The following PRDM16 variants were observed in gnomAD, a reference collection of about 807,000 sequenced individuals.
PRDM16 encodes the protein PR/SET domain 16, also known as histone-lysine N-methyltransferase PRDM16.
A neutral mutation model predicts 110.6 loss-of-function variants in PRDM16; 23 were observed. The observed-to-expected ratio is 0.21, with a 90% CI of 0.15 to 0.29. The LOEUF (loss-of-function observed/expected upper bound fraction) is 0.29, where lower values mean the gene tolerates loss of function less well. Ranked by LOEUF, PRDM16 falls within the 10% of genes least tolerant of loss-of-function variation. PRDM16 has a pLI of 1.00. For missense variants in PRDM16, 1,615 were observed against 1,794.3 expected, an observed-to-expected ratio of 0.90 and a Z score of 1.81; for synonymous variants, 799 against 781.8, an observed-to-expected ratio of 1.02 and a Z score of -0.37.
intron 1 of PRDM16, among the ~76,000 whole-genome samples, chr1:3,184,615 G>T (rs750678367): frequency 6.6e-6 from 1 of 152,182 alleles, no homozygotes; most frequent in African/African-American, 2.4e-5. Flanking sequence ...TAAAGGGGGC[G>T]ATTCAGTGGC....
At chr1:3,159,578 C>G (rs1161922680) in intron 1 of PRDM16, among the ~76,000 whole-genome samples, 2 of 152,228 alleles carry the variant, frequency 1.3e-5, no homozygotes, top group African/African-American at 4.8e-5. Context: ...GACCTCATCT[C>G]CACATGCAGT....
At position 3,178,088 on chromosome 1, in the gene PRDM16, G is replaced by GC. The variant is rs532567693; in HGVS notation, c.38-8034dup. Among the ~76,000 whole-genome samples the GC allele has an allele frequency of 2.6e-5, 4 of 152,316 alleles. No homozygotes were observed. In the South Asian group the frequency reaches 8.3e-4, roughly 32 times the overall value. The stretch of plus-strand genomic sequence containing the variant: ...ATGGCTGGGTTTTACAAGAATGATG[G>GC]CCCGGTGTTTGGCGAGCTGAGGAGT... On this transcript the variant is annotated intron_variant, in intron 1 of 16. Coordinates refer to ENST00000270722, the MANE Select transcript of PRDM16 (RefSeq NM_022114.4).
chr1:3,286,742 C>T (rs527928611), intron 3 of PRDM16, among the ~76,000 whole-genome samples: 21 of 152,284 alleles, frequency 1.4e-4, no homozygotes, highest in Non-Finnish European at 2.4e-4. Context: ...ACGTGCTGGG[C>T]GCTTAACTCA....
chr1:3,396,146 C>G (rs887328053), intron 4 of PRDM16, among the ~76,000 whole-genome samples: 2 of 152,106 alleles, frequency 1.3e-5, no homozygotes, highest in African/African-American at 4.8e-5. Flanking sequence ...CAAAATGGAA[C>G]AAAAGAAACT....
At chr1:3,211,167 T>A (rs952076817) in intron 2 of PRDM16, among the ~76,000 whole-genome samples, 10 of 152,240 alleles carry the variant, frequency 6.6e-5, no homozygotes, top group African/African-American at 2.4e-4. Context: ...TCTGCTTGTC[T>A]GTCTCTGCAC....
intron 1 of PRDM16, among the ~76,000 whole-genome samples, chr1:3,138,330 C>T (rs1454876669): frequency 6.6e-6 from 1 of 152,192 alleles, no homozygotes; most frequent in African/African-American, 2.4e-5. Context: ...GAGGCAGCAC[C>T]CATCGAGTAA....
chr1:3,106,871 C>T (rs1025904185), intron 1 of PRDM16, among the ~76,000 whole-genome samples: 2 of 152,182 alleles, frequency 1.3e-5, no homozygotes, highest in African/African-American at 4.8e-5. Context: ...ATAGTGGGCA[C>T]CTGTTCTCTA....
At chr1:3,212,509 C>T (rs1638910506) in intron 2 of PRDM16, among the ~76,000 whole-genome samples, 1 of 152,148 alleles carries the variant, frequency 6.6e-6, no homozygotes, top group Non-Finnish European at 1.5e-5. Flanking sequence ...CCTCCTGCCT[C>T]CGTCCCCATG....
chr1:3,332,415 G>A (rs183277099), intron 3 of PRDM16, among the ~76,000 whole-genome samples: 1 of 151,454 alleles, frequency 6.6e-6, no homozygotes, highest in Non-Finnish European at 1.5e-5. Flanking sequence ...GGGGCTGGGG[G>A]AGGCCGTGGG....
At chr1:3,250,286 G>A (rs1002113247) in intron 3 of PRDM16, among the ~76,000 whole-genome samples, 1 of 152,142 alleles carries the variant, frequency 6.6e-6, no homozygotes, top group Non-Finnish European at 1.5e-5. Context: ...GGCCCTGGGT[G>A]GACTCTGACC....
intron 2 of PRDM16, among the ~76,000 whole-genome samples, chr1:3,202,360 G>A (rs1223119918): frequency 1.3e-5 from 2 of 150,540 alleles, no homozygotes; most frequent in African/African-American, 4.9e-5. Context: ...GGGGAGGCTG[G>A]GGAAGCCTAG....
intron 10 of PRDM16, among the ~76,000 whole-genome samples, chr1:3,415,649 G>C (rs1032657586): frequency 4.6e-5 from 7 of 152,250 alleles, no homozygotes; most frequent in African/African-American, 7.2e-5. Context: ...CTGATCGGGC[G>C]GAGCAAGCCG....
At chr1:3,120,616 C>T (rs1478754862) in intron 1 of PRDM16, among the ~76,000 whole-genome samples, 1 of 152,220 alleles carries the variant, frequency 6.6e-6, no homozygotes, top group Non-Finnish European at 1.5e-5. Context: ...CTGCCCCTGT[C>T]CCCGGCAGCC....
At chr1:3,156,305 G>A (rs1006757660) in intron 1 of PRDM16, among the ~76,000 whole-genome samples, 7 of 152,254 alleles carry the variant, frequency 4.6e-5, no homozygotes, top group Admixed American at 4.6e-4. Flanking sequence ...AATTGTGATC[G>A]GTTTGATTTT....
chr1:3,412,536 A>T lies in PRDM16; in HGVS notation c.2339A>T (p.Lys780Ile). Residue 780 changes from lysine to isoleucine, a missense_variant, in exon 9 of 17, where the codon AAA becomes ATA. Physicochemically the swap from Lys to Ile is moderately radical, Grantham distance 102. Coordinates refer to ENST00000270722, the MANE Select transcript of PRDM16 (RefSeq NM_022114.4). ...CCCTTTGATCTCACCACCAAGCCCA[A>T]AGACGTGAAGCCCATCCTGCCCATG... Reference protein sequence around the residue: ...ECPFDLTTKPKDVKPILPMPK... With the variant: ...ECPFDLTTKPIDVKPILPMPK... 6.2e-7 allele frequency: 1 copy of T among 1,612,582 alleles called. No homozygotes were observed. Among genetic ancestry groups the T allele is most frequent in the Non-Finnish European group, 8.5e-7 (1 of 1,179,974 alleles).
intron 1 of PRDM16, among the ~76,000 whole-genome samples, chr1:3,172,565 T>A (rs1569755141): frequency 6.6e-6 from 1 of 152,130 alleles, no homozygotes; most frequent in South Asian, 2.1e-4. Context: ...CATCCACAGA[T>A]GAAGAGACAA....
chr1:3,338,627 C>G (rs1642209501), intron 3 of PRDM16, among the ~76,000 whole-genome samples: 1 of 152,306 alleles, frequency 6.6e-6, no homozygotes, highest in African/African-American at 2.4e-5. Context: ...CACCTCCGGC[C>G]TGATAACCCG....
intron 1 of PRDM16, among the ~76,000 whole-genome samples, chr1:3,137,096 C>T (rs1643453813): frequency 2.0e-5 from 3 of 152,172 alleles, no homozygotes; most frequent in Admixed American, 6.5e-5. Context: ...GTCAGAGATA[C>T]ACAGTGCAGG....
intron 1 of PRDM16, among the ~76,000 whole-genome samples, chr1:3,152,688 C>T (rs1195442167): frequency 1.3e-5 from 2 of 152,316 alleles, no homozygotes; most frequent in East Asian, 1.9e-4. Context: ...GCTATGTTGC[C>T]GTCCGTCGTC....
Sources: allele counts gnomAD v4.1 joint callset (sites outside exome capture counted in the v4.1 genomes callset), GRCh38; gene constraint gnomAD v4.1.1; transcripts MANE v1.5; gene names NCBI Gene and HGNC (gene_info 2026-07-23, HGNC 2026-07-21).